Variants in PLXNB1 observed in about 807,000 individuals in gnomAD.
PLXNB1 encodes the protein plexin B1.
Under a neutral mutation model 209.4 loss-of-function variants are expected in PLXNB1, and 106 were observed. The observed-to-expected ratio is 0.51, with a 90% confidence interval of 0.43 to 0.59. The LOEUF is 0.59. PLXNB1 is among the 20% of genes least tolerant of loss of function. The pLI is 0.00. For missense variants in PLXNB1, 2,357 were observed against 2,853.2 expected (o/e 0.83, Z 3.96); for synonymous variants, 1,167 against 1,183.2 (o/e 0.99, Z 0.28).
At position 48,405,997 on chromosome 3, in the gene PLXNB1, G is replaced by A; in HGVS notation, c.6229-199C>T. 1.9e-6 allele frequency: 1 copy of A among 529,086 alleles called. No homozygotes were observed. Among genetic ancestry groups the A allele is most frequent in the Non-Finnish European group, 3.4e-6 (1 of 290,078 alleles). 32.8% of individuals were successfully genotyped at this position (529,086 alleles called of 1,614,324 possible). On this transcript the variant is annotated intron_variant, in intron 36 of 37. Coordinates refer to ENST00000296440, the MANE Select transcript of PLXNB1 (RefSeq NM_001130082.3). The surrounding 1 kb of genome is among the most constrained non-coding windows in gnomAD (Gnocchi z 5.0). ...GGTGTGCCAGATGGGGACAGAACAGGGTAGAGCAAGGGGGCCTCCTTGGTA... is the reference window on the plus strand; with the variant it reads ...GGTGTGCCAGATGGGGACAGAACAGAGTAGAGCAAGGGGGCCTCCTTGGTA...
rs2106899234 is a variant in PLXNB1 at position 48,419,345 on chromosome 3, T to C, written c.2731A>G (p.Ser911Gly). ...ACGCTCTCCACACAGGGGCAGGAGC[T>C]TGCCCCCAAGGTCGCCTCTTCCTGC... ...WELEEATLGA[S>G]SCPCVESVQG... The change falls in exon 12 of 38, where the codon AGC (serine) becomes GGC (glycine). Residue 911 changes from serine to glycine, a missense_variant. Physicochemically the swap from Ser to Gly is moderately conservative, Grantham distance 56. Coordinates refer to ENST00000296440, the MANE Select transcript of PLXNB1 (RefSeq NM_001130082.3). This position sits in a 1 kb window ranked among gnomAD's most constrained non-coding sequence, Gnocchi z 5.7. The C allele has an allele frequency of 6.4e-7, 1 of 1,574,442 alleles. No individual in the cohort carries two copies. The highest frequency in any genetic ancestry group is 8.6e-7 in the Non-Finnish European group (1 of 1,156,874).
At chr3:48,425,068 C>T (rs1047598302) in intron 2 of PLXNB1, among the ~76,000 whole-genome samples, 8 of 152,204 alleles carry the variant, frequency 5.3e-5, no homozygotes, top group African/African-American at 1.9e-4. Context: ...CCTGAACCAG[C>T]AGAATGTTAG....
rs2037319887 is a variant in PLXNB1, at chr3:48,406,452, G to A, written c.6228+371C>T. Reference sequence around the variant, plus strand: ...ATAAACTCCCTGGAGTTACATTTTAGGGCGGTTTCAGGAATGGGAGAGGTG... The same window carrying A: ...ATAAACTCCCTGGAGTTACATTTTAAGGCGGTTTCAGGAATGGGAGAGGTG... On this transcript the variant is annotated intron_variant, in intron 36 of 37. Coordinates refer to ENST00000296440, the MANE Select transcript of PLXNB1 (RefSeq NM_001130082.3). The surrounding 1 kb of genome is among the most constrained non-coding windows in gnomAD (Gnocchi z 4.4). 1 of 311,774 alleles carries A rather than the reference G, an allele frequency of 3.2e-6. No individual in the cohort carries two copies. The highest frequency in any genetic ancestry group is 4.7e-6 in the Non-Finnish European group (1 of 214,324). 19.3% of individuals were successfully genotyped at this position (311,774 alleles called of 1,614,324 possible).
At chr3:48,427,310 C>A (rs920727739) in intron 1 of PLXNB1, among the ~76,000 whole-genome samples, 3 of 152,204 alleles carry the variant, frequency 2.0e-5, no homozygotes, top group African/African-American at 7.2e-5. Flanking sequence ...AGTGGTCAGG[C>A]TTCTGCCAGC....
Position 48,411,311 on chromosome 3 carries a change from C to T in PLXNB1, c.5248-275G>A, listed in dbSNP as rs2037666919. 6.6e-6 allele frequency among the ~76,000 whole-genome samples: 1 copy of T among 152,220 alleles called. No individual in the cohort carries two copies. Among genetic ancestry groups the T allele is most frequent in the African/African-American group, 2.4e-5 (1 of 41,448 alleles). On this transcript the variant is annotated intron_variant, in intron 28 of 37. Coordinates refer to ENST00000296440, the MANE Select transcript of PLXNB1 (RefSeq NM_001130082.3). The surrounding 1 kb of genome is among the most constrained non-coding windows in gnomAD (Gnocchi z 4.0). ...GCACAAGTCCCTCATCACTCAGATC[C>T]CCAGGTTCCTGGCTGAATGGGTCAG...
At position 48,410,437 on chromosome 3, in the gene PLXNB1, A is replaced by G; in HGVS notation, c.5520+18T>C. The G allele has an allele frequency of 6.2e-7, 1 of 1,612,532 alleles. No homozygotes were observed. The highest frequency in any genetic ancestry group is 8.5e-7 in the Non-Finnish European group (1 of 1,178,676). ...GTCCCACCCCACCATGCCCTCCTCC[A>G]GCTCCCACTCCTCCTACCTTGTAAT... is the stretch of plus-strand genomic sequence containing the variant. On this transcript the variant is annotated intron_variant, in intron 30 of 37. Coordinates refer to ENST00000296440, the MANE Select transcript of PLXNB1 (RefSeq NM_001130082.3). The surrounding 1 kb of genome is among the most constrained non-coding windows in gnomAD (Gnocchi z 6.4).
In PLXNB1 at chr3:48,420,828, G is replaced by A. The variant is rs1222068314; in HGVS notation, c.1919+20C>T. ...TCGCCACAGGGAAGCCCAGGCCTGG[G>A]GACAGGGCGAGGAACTCACTGCGCA... On this transcript the variant is annotated intron_variant, in intron 9 of 37. Transcript: ENST00000296440. 6.2e-7 allele frequency: 1 copy of A among 1,611,964 alleles called. No individual in the cohort carries two copies.
chr3:48,421,696 A>G lies in PLXNB1; in HGVS notation c.1631T>C (p.Ile544Thr). 1 of 1,607,036 alleles carries G rather than the reference A, an allele frequency of 6.2e-7. No homozygotes were observed. Among genetic ancestry groups the G allele is most frequent in the Non-Finnish European group, 8.5e-7 (1 of 1,174,398 alleles). Residue 544 changes from isoleucine to threonine, a missense_variant, in exon 7 of 38, where the codon ATC becomes ACC. Around this residue, in one of 7 missense-constraint regions of PLXNB1, gnomAD observed 214 missense variants for 297.1 expected, o/e 0.72. Coordinates refer to ENST00000296440, the MANE Select transcript of PLXNB1 (RefSeq NM_001130082.3). ...CACCTCCCTCGTCTCCTCTCGGCTG[A>G]TGTTGGCAGGACTCATGGCTGCCAC... ...LQVAAMSPAN[I>T]SREETREVFL... is the part of the protein sequence containing the mutation.
Position 48,409,209 on chromosome 3 carries a change from G to A in PLXNB1, c.6087+120C>T. On this transcript the variant is annotated intron_variant, in intron 34 of 37. Coordinates refer to ENST00000296440, the MANE Select transcript of PLXNB1 (RefSeq NM_001130082.3). This position sits in a 1 kb window ranked among gnomAD's most constrained non-coding sequence, Gnocchi z 5.8. ...GGCCCCGGGATGAAGCCTTGGCTTG[G>A]GAGGTCAGAGGTCTCCCCTAAGCCC... The A allele has an allele frequency of 1.7e-6, 2 of 1,173,094 alleles. No individual in the cohort carries two copies. Among genetic ancestry groups the A allele is most frequent in the Non-Finnish European group, 2.4e-6 (2 of 836,734 alleles). The allele number at this position is 1,173,094 out of a possible 1,614,324, so 72.7% of individuals were successfully genotyped here.
In PLXNB1 at chr3:48,409,855, C is replaced by A. The variant is rs545646634; in HGVS notation, c.5778+50G>T. ...CACCACCCCCAAATCCCACGAGTGG[C>A]CATGCTCCCTCTCAGCCCAGGCCCC... On this transcript the variant is annotated intron_variant, in intron 32 of 37. Transcript: ENST00000296440. This position sits in a 1 kb window ranked among gnomAD's most constrained non-coding sequence, Gnocchi z 5.8. 63 of 1,585,562 alleles carry A rather than the reference C, an allele frequency of 4.0e-5. No individual in the cohort carries two copies. The East Asian group carries it at 1.3e-3, about 33-fold the overall frequency.
chr3:48,426,075 C>T (rs988598310), intron 1 of PLXNB1, among the ~76,000 whole-genome samples: 2 of 152,238 alleles, frequency 1.3e-5, no homozygotes, highest in East Asian at 3.9e-4. Context: ...TAGTTGGAGC[C>T]CTACGTACTA....
At position 48,421,734 on chromosome 3, in the gene PLXNB1, C is replaced by T. The variant is rs772304234; in HGVS notation, c.1593G>A (p.Leu531=). The change falls in exon 7 of 38, where the codon CTG becomes CTA. Residue 531 remains leucine, a synonymous_variant. Transcript: ENST00000296440. The stretch of plus-strand genomic sequence containing the variant: ...TCATGGCTGCCACTTGCAGACAGCC[C>T]AGCTCAGGCTGGAAGCTCCATAGCC... ...EQWLWSFQPE[L]GCLQVAAMSP... 6.2e-7 allele frequency: 1 copy of T among 1,610,850 alleles called. No homozygotes were observed. The highest frequency in any genetic ancestry group is 8.5e-7 in the Non-Finnish European group (1 of 1,177,510).
At position 48,412,974 on chromosome 3, in the gene PLXNB1, A is replaced by C. The variant is rs776131733; in HGVS notation, c.4637-15T>G. 6.2e-7 allele frequency: 1 copy of C among 1,613,374 alleles called. No homozygotes were observed. The highest frequency in any genetic ancestry group is 8.5e-7 in the Non-Finnish European group (1 of 1,179,308). On this transcript the variant is annotated splice_polypyrimidine_tract_variant and intron_variant, in intron 24 of 37. Coordinates refer to ENST00000296440, the MANE Select transcript of PLXNB1 (RefSeq NM_001130082.3). Reference sequence around the variant, plus strand: ...AGTCATGAGGTCTGTTAAGCAGAAGAGGCCAGGTTAAGCACCTGTTAAGCA... The same window carrying C: ...AGTCATGAGGTCTGTTAAGCAGAAGCGGCCAGGTTAAGCACCTGTTAAGCA...
In PLXNB1 at chr3:48,420,966, G is replaced by C. The variant is rs1173469026; in HGVS notation, c.1811-10C>G. 1.0e-5 allele frequency: 16 copies of C among 1,605,472 alleles called. No homozygotes were observed. The highest frequency in any genetic ancestry group is 2.2e-5 in the East Asian group (1 of 44,724). On this transcript the variant is annotated splice_polypyrimidine_tract_variant and intron_variant, in intron 8 of 37. Transcript: ENST00000296440. ...CTCACGGATACGTAGTCTGCAGAGG[G>C]GGAGAGAGGGCCAGGGTTAAGCAGC...
intron 1 of PLXNB1, among the ~76,000 whole-genome samples, chr3:48,425,928 T>C (rs1461788873): frequency 6.6e-6 from 1 of 150,684 alleles, no homozygotes; most frequent in African/African-American, 2.4e-5. Flanking sequence ...TGAAGACACA[T>C]CCATATAGAG....
rs778015214 is a variant in PLXNB1 at position 48,413,994 on chromosome 3, C to T, written c.4287G>A (p.Thr1429=). The change falls in exon 22 of 38, where the codon ACG becomes ACA. Residue 1429 remains threonine, a synonymous_variant. Transcript: ENST00000296440. The surrounding 1 kb of genome is among the most constrained non-coding windows in gnomAD (Gnocchi z 5.4). ...CGCAGTACAGGTGGTGCCGCGTCAG[C>T]GTCTTCACCACACAGGGGCCATCCC... The part of the protein sequence containing the change: ...MIGDGPCVVK[T]LTRHHLYCEP... 81 of 1,613,866 alleles carry T rather than the reference C, an allele frequency of 5.0e-5. 1 individual carries two copies. The highest frequency in any genetic ancestry group is 4.6e-4 in the South Asian group (42 of 91,086).
At chr3:48,422,647 AGCTCAGGTCATCTCTCCTG>A (rs761329602) in intron 4 of PLXNB1, 99 bp downstream of exon 4, 11 of 1,262,294 alleles carry the variant, frequency 8.7e-6, no homozygotes, top group Non-Finnish European at 1.2e-5. Flanking sequence ...TGGGGAGAGG[AGCTCAGGTCATCTCTCCTG>A]GCCCAGGGGT....
Position 48,416,144 on chromosome 3 carries a change from G to C in PLXNB1, c.3504C>G (p.Phe1168Leu). The C allele has an allele frequency of 3.8e-6, 6 of 1,599,104 alleles. No individual in the cohort carries two copies. The highest frequency in any genetic ancestry group is 2.3e-5 in the East Asian group (1 of 44,138). ...AYQDPKVHSI[F>L]PARGPRAGGT... is the part of the protein sequence containing the mutation. ...CCCCAGCTCTGGGGCCGCGGGCCGGGAAGATGGAATGGACCTTCGGATCCT... is the reference window on the plus strand; with the variant it reads ...CCCCAGCTCTGGGGCCGCGGGCCGGCAAGATGGAATGGACCTTCGGATCCT... The change falls in exon 18 of 38, where the codon TTC becomes TTG. Residue 1168 changes from phenylalanine (F) to leucine (L), a missense_variant. Phe to Leu is a conservative substitution (Grantham distance 22, BLOSUM62 0). Around this residue, in one of 7 missense-constraint regions of PLXNB1, gnomAD observed 743 missense variants for 896.2 expected, o/e 0.83. Coordinates refer to ENST00000296440, the MANE Select transcript of PLXNB1 (RefSeq NM_001130082.3). This position sits in a 1 kb window ranked among gnomAD's most constrained non-coding sequence, Gnocchi z 4.1.
chr3:48,414,197 C>G (rs993024977), intron 21 of PLXNB1, 126 bp from the exon 22 acceptor site: 12 of 820,844 alleles, frequency 1.5e-5, no homozygotes, highest in Admixed American at 1.0e-4. Flanking sequence ...GCACCCTTCC[C>G]GAGTGCAGGC....
Sources: gnomAD v4.1 joint callset for allele counts (sites outside exome capture counted in the v4.1 genomes callset) on GRCh38, gnomAD v4.1.1 for gene constraint, gnomAD v4.1.1 regional missense constraint, Gnocchi (gnomAD v3.1) non-coding constraint, MANE v1.5 for transcripts, NCBI Gene and HGNC (gene_info 2026-07-23, HGNC 2026-07-21) for gene names.